Variants in DLGAP2 observed in about 807,000 individuals in gnomAD.
DLGAP2 encodes the protein disks large-associated protein 2.
Under a neutral mutation model 100.3 loss-of-function variants are expected in DLGAP2, and 26 were observed. That is an observed-to-expected ratio of 0.26 (90% CI 0.19 to 0.36). The LOEUF is 0.36. Among genes scored for constraint, DLGAP2 ranks in the 10% least tolerant of loss-of-function variants. The probability of loss-of-function intolerance (pLI) is 1.00; values close to 1 mark genes in which losing one functional copy is unlikely to be tolerated. For synonymous variants in DLGAP2, 886 were observed against 630.1 expected (o/e 1.41, Z -6.08); for missense variants, 1,858 against 1,453.2 (o/e 1.28, Z -4.53).
At chr8:1,460,336 C>T (rs733596) in intron 3 of DLGAP2, among the ~76,000 whole-genome samples, 76,720 of 152,126 alleles carry the variant, frequency 0.5, 19,877 homozygotes, top group East Asian at 0.84. Flanking sequence ...AACTAAACCA[C>T]GGGCTCTGAT....
At chr8:1,140,610 C>G (rs752692171) in intron 2 of DLGAP2, among the ~76,000 whole-genome samples, 15 of 152,172 alleles carry the variant, frequency 9.9e-5, no homozygotes, top group South Asian at 2.1e-4. Context: ...CCTTCCCTCA[C>G]TCAGCCAGGC....
At chr8:1,533,413 G>A (rs1018951289) in intron 4 of DLGAP2, among the ~76,000 whole-genome samples, 1 of 151,966 alleles carries the variant, frequency 6.6e-6, no homozygotes, top group Admixed American at 6.5e-5. Context: ...GGCTGAGGCA[G>A]GAGAATGGTG....
rs116555866 is a variant in DLGAP2, at chr8:921,496, C to T, written c.73+13530C>T. ...ACGTCTATGAGCATTTCTGTGGCCA[C>T]GTGGCCACGTGCTTTCACATGACCC... is the stretch of plus-strand genomic sequence containing the variant. On this transcript the variant is annotated intron_variant, in intron 2 of 14. Transcript: ENST00000637795. Among the ~76,000 whole-genome samples the T allele has an allele frequency of 4.7e-3, 717 of 152,348 alleles. 5 individuals are homozygous for T. The highest frequency in any genetic ancestry group is 0.016 in the African/African-American group (664 of 41,578).
intron 1 of DLGAP2, among the ~76,000 whole-genome samples, chr8:859,412 C>T (rs974800294): frequency 2.0e-5 from 3 of 152,312 alleles, no homozygotes; most frequent in East Asian, 3.9e-4. Flanking sequence ...ACACCTGGCC[C>T]TGTCTTAGTC....
intron 1 of DLGAP2, among the ~76,000 whole-genome samples, chr8:881,672 C>T (rs1249329607): frequency 0.011 from 588 of 53,176 alleles, 17 homozygotes; most frequent in African/African-American, 0.033. Context: ...GCTGAACACA[C>T]ACACACACAC....
chr8:1,437,813 C>CAAAAAAAAAAAAAAAA (rs59165125), intron 3 of DLGAP2, among the ~76,000 whole-genome samples: 4 of 85,216 alleles, frequency 4.7e-5, no homozygotes, highest in Admixed American at 1.6e-4. Flanking sequence ...ACTAAAAATA[C>CAAAAAAAAAAAAAAAA]AAAAAAAAAA....
chr8:1,174,387 C>G (rs1202307321), intron 2 of DLGAP2, among the ~76,000 whole-genome samples: 3 of 151,516 alleles, frequency 2.0e-5, no homozygotes, highest in Non-Finnish European at 2.9e-5. Flanking sequence ...ACCATTACCA[C>G]CATCATCATT....
chr8:1,054,167 C>T (rs865895647), intron 2 of DLGAP2, among the ~76,000 whole-genome samples: 4 of 152,212 alleles, frequency 2.6e-5, no homozygotes, highest in Middle Eastern at 3.4e-3. Context: ...TGAGTACAGG[C>T]ATGAATGCAC....
intron 4 of DLGAP2, among the ~76,000 whole-genome samples, chr8:1,506,618 GC>G (rs991205452): frequency 3.5e-4 from 54 of 152,326 alleles, no homozygotes; most frequent in African/African-American, 1.3e-3. Flanking sequence ...GGTTGCCAGT[GC>G]CGGCTCAGGC....
chr8:1,131,571 G>T (rs1796295264), intron 2 of DLGAP2, among the ~76,000 whole-genome samples: 1 of 152,146 alleles, frequency 6.6e-6, no homozygotes, highest in Non-Finnish European at 1.5e-5. Flanking sequence ...CCCACTGGAG[G>T]TTAGGGCTTC....
intron 2 of DLGAP2, among the ~76,000 whole-genome samples, chr8:1,000,286 G>A (rs1342039040): frequency 6.6e-6 from 1 of 150,854 alleles, no homozygotes; most frequent in Non-Finnish European, 1.5e-5. Context: ...AGATCCGGGT[G>A]GGGGTGGTTT....
intron 12 of DLGAP2, chr8:1,688,345 C>A (rs935870974): frequency 1.2e-4 from 18 of 152,264 alleles, no homozygotes; most frequent in African/African-American, 4.3e-4. Context: ...GCCCGACAGA[C>A]AACCTTCCAT....
intron 8 of DLGAP2, among the ~76,000 whole-genome samples, chr8:1,645,142 A>G (rs1798012048): frequency 6.6e-6 from 1 of 152,268 alleles, no homozygotes; most frequent in Admixed American, 6.5e-5. Context: ...AGATGAATGA[A>G]TGAATGAAAC....
At chr8:1,031,713 C>T (rs1801979001) in intron 2 of DLGAP2, among the ~76,000 whole-genome samples, 1 of 152,120 alleles carries the variant, frequency 6.6e-6, no homozygotes, top group Admixed American at 6.5e-5. Flanking sequence ...AAATAATGAC[C>T]CCTTTCAAAA....
intron 2 of DLGAP2, among the ~76,000 whole-genome samples, chr8:1,116,582 C>A (rs1036863126): frequency 6.6e-6 from 1 of 152,058 alleles, no homozygotes; most frequent in Non-Finnish European, 1.5e-5. Context: ...AATTGCCTGA[C>A]CCCAGGCATT....
chr8:1,018,419 CT>C (rs1370988950), intron 2 of DLGAP2, among the ~76,000 whole-genome samples: 1 of 152,188 alleles, frequency 6.6e-6, no homozygotes. Context: ...GGTTTATTGT[CT>C]TATTAGTGAG....
At chr8:1,029,730 G>A (rs1801921833) in intron 2 of DLGAP2, among the ~76,000 whole-genome samples, 2 of 152,186 alleles carry the variant, frequency 1.3e-5, no homozygotes, top group Admixed American at 6.5e-5. Context: ...GAGGGGCTGA[G>A]CCTCAGTTAC....
chr8:761,259 A>G (rs1821075919), intron 1 of DLGAP2, among the ~76,000 whole-genome samples: 1 of 151,458 alleles, frequency 6.6e-6, no homozygotes, highest in Admixed American at 6.6e-5. Flanking sequence ...CTGGTCTTCC[A>G]CCCACGCCTT....
At chr8:1,270,884 T>C (rs1457693245) in intron 3 of DLGAP2, among the ~76,000 whole-genome samples, 1 of 152,174 alleles carries the variant, frequency 6.6e-6, no homozygotes, top group Non-Finnish European at 1.5e-5. Flanking sequence ...TTTTATTTTC[T>C]AGATGTTCTT....
Sources: allele counts gnomAD v4.1 joint callset (sites outside exome capture counted in the v4.1 genomes callset), GRCh38; gene constraint gnomAD v4.1.1; transcripts MANE v1.5; gene names NCBI Gene and HGNC (gene_info 2026-07-23, HGNC 2026-07-21).